Variants in OLA1 observed in about 807,000 individuals in gnomAD.
OLA1 encodes the protein Obg like ATPase 1.
A neutral mutation model predicts 48.4 loss-of-function variants in OLA1; 14 were observed. That is an observed-to-expected ratio of 0.29 (90% CI 0.19 to 0.45). OLA1 has a LOEUF of 0.45. Ranked by LOEUF, OLA1 falls within the 20% of genes least tolerant of loss-of-function variation. The probability of loss-of-function intolerance (pLI) is 1.00; values close to 1 mark genes in which losing one functional copy is unlikely to be tolerated. For synonymous variants in OLA1, 127 were observed against 150.4 expected, an observed-to-expected ratio of 0.84 and a Z score of 1.14; for missense variants, 325 against 467.1, an observed-to-expected ratio of 0.70 and a Z score of 2.80.
intron 4 of OLA1, among the ~76,000 whole-genome samples, chr2:174,190,718 A>G (rs772739173): frequency 3.5e-4 from 53 of 151,992 alleles, no homozygotes; most frequent in Admixed American, 6.6e-4. Flanking sequence ...AAGCATTCCT[A>G]TTTTAGTACA....
intron 4 of OLA1, among the ~76,000 whole-genome samples, chr2:174,170,062 T>C (rs1687259414): frequency 6.6e-6 from 1 of 152,100 alleles, no homozygotes; most frequent in African/African-American, 2.4e-5. Flanking sequence ...TGAAACCCCG[T>C]CACTACTAAA....
intron 5 of OLA1, among the ~76,000 whole-genome samples, chr2:174,136,559 C>T (rs957802766): frequency 6.6e-6 from 1 of 152,160 alleles, no homozygotes; most frequent in African/African-American, 2.4e-5. Context: ...TCTGCAGTTA[C>T]TTCCTCCACT....
chr2:174,109,216 G>T (rs1286467784), intron 7 of OLA1, among the ~76,000 whole-genome samples: 1 of 152,140 alleles, frequency 6.6e-6, no homozygotes, highest in Non-Finnish European at 1.5e-5. Flanking sequence ...TTATGGCTAA[G>T]AATGTTTAAT....
chr2:174,223,232 A>G, intron 3 of OLA1, 72 bp from the exon 4 acceptor site: 5 of 1,368,402 alleles, frequency 3.7e-6, no homozygotes, highest in Non-Finnish European at 5.2e-6. Context: ...GAATTCTCCA[A>G]ACATTTCACA....
intron 4 of OLA1, among the ~76,000 whole-genome samples, chr2:174,220,313 T>C (rs12474881): frequency 0.13 from 19,558 of 152,104 alleles, 1,482 homozygotes; most frequent in East Asian, 0.21. Context: ...CATAGGGCCT[T>C]GAAACAAACC....
At chr2:174,241,865 A>C (rs1170637715) in intron 2 of OLA1, among the ~76,000 whole-genome samples, 3 of 152,160 alleles carry the variant, frequency 2.0e-5, no homozygotes, top group African/African-American at 4.8e-5. Context: ...CAAACTCCTG[A>C]CCTCAAGTGA....
chr2:174,127,754 T>C (rs565734605), intron 5 of OLA1, among the ~76,000 whole-genome samples: 1 of 152,234 alleles, frequency 6.6e-6, no homozygotes, highest in Admixed American at 6.5e-5. Flanking sequence ...AAGTAAATGT[T>C]CTAGGTCCAG....
intron 10 of OLA1, among the ~76,000 whole-genome samples, chr2:174,076,376 C>T (rs1311329979): frequency 6.6e-6 from 1 of 152,164 alleles, no homozygotes; most frequent in Admixed American, 6.5e-5. Context: ...TCCCACATGA[C>T]CCCACCATCG....
intron 7 of OLA1, among the ~76,000 whole-genome samples, chr2:174,091,846 T>A: frequency 9.2e-6 from 1 of 108,316 alleles, no homozygotes; most frequent in Non-Finnish European, 1.7e-5. Context: ...CACTCCAGCC[T>A]GGGAGACAGC....
rs574830586 is a variant in OLA1, at chr2:174,091,162, G to C, written c.729-9098C>G. Among the ~76,000 whole-genome samples, 9 of 152,320 alleles carry C rather than the reference G, an allele frequency of 5.9e-5. No individual in the cohort carries two copies. In the East Asian group the frequency reaches 1.7e-3, roughly 29 times the overall value. ...AGTCTCAGCTAATACCTAGCTGAGT[G>C]ACTCCAGGTGGTTATTTAACATCTC... is the stretch of plus-strand genomic sequence containing the variant. On this transcript the variant is annotated intron_variant, in intron 7 of 10. Coordinates refer to ENST00000284719, the MANE Select transcript of OLA1 (RefSeq NM_013341.5).
chr2:174,201,457 T>C (rs932227926), intron 4 of OLA1, among the ~76,000 whole-genome samples: 3 of 152,106 alleles, frequency 2.0e-5, no homozygotes, highest in Non-Finnish European at 4.4e-5. Context: ...CCCACCTCAG[T>C]AGATCCTCAG....
At chr2:174,124,586 G>A (rs1686004426) in intron 5 of OLA1, among the ~76,000 whole-genome samples, 1 of 152,116 alleles carries the variant, frequency 6.6e-6, no homozygotes, top group South Asian at 2.1e-4. Context: ...AAAGGCTCTG[G>A]GGTCTGAAAG....
At chr2:174,205,711 G>C (rs377225583) in intron 4 of OLA1, among the ~76,000 whole-genome samples, 3 of 152,246 alleles carry the variant, frequency 2.0e-5, no homozygotes, top group Non-Finnish European at 4.4e-5. Context: ...GCCACAGAGT[G>C]AGCAAGGACA....
chr2:174,217,769 T>G (rs948574161), intron 4 of OLA1: 1 of 152,174 alleles, frequency 6.6e-6, no homozygotes, highest in African/African-American at 2.4e-5. Context: ...AATGGAATCA[T>G]AGTATACGCT....
At chr2:174,232,595 TAAAAA>T (rs1688755496) in intron 2 of OLA1, among the ~76,000 whole-genome samples, 1 of 151,900 alleles carries the variant, frequency 6.6e-6, no homozygotes, top group Non-Finnish European at 1.5e-5. Flanking sequence ...CACAAATGGC[TAAAAA>T]AATATGAAAA....
chr2:174,219,423 CT>C lies in OLA1; in HGVS notation c.373+3609del, dbSNP rs372577919. Among the ~76,000 whole-genome samples, 431 of 94,828 alleles carry C rather than the reference CT, an allele frequency of 4.5e-3. 1 individual carries two copies. The highest frequency in any genetic ancestry group is 0.021 in the Middle Eastern group (2 of 96). The allele number at this position is 94,828 out of a possible 152,430, so 62.2% of individuals were successfully genotyped here. A position where few individuals can be genotyped will look rare whatever the true frequency, so the allele number is the denominator to read the frequency against. ...TGGCAACTTACTCCATTTTATTTCCCTTTTTTTTTTTTTTTTTTTTTTTTTG... is the reference window on the plus strand; with the variant it reads ...TGGCAACTTACTCCATTTTATTTCCCTTTTTTTTTTTTTTTTTTTTTTTTG... On this transcript the variant is annotated intron_variant, in intron 4 of 10. Transcript: ENST00000284719.
At position 174,074,440 on chromosome 2, in the gene OLA1, C is replaced by CT. The variant is rs1684678241; in HGVS notation, c.*985dup. 6.6e-6 allele frequency: 1 copy of CT among 152,008 alleles called. No individual in the cohort carries two copies. Among genetic ancestry groups the CT allele is most frequent in the South Asian group, 2.1e-4 (1 of 4,834 alleles). 9.4% of individuals were successfully genotyped at this position (152,008 alleles called of 1,614,324 possible). ...TGCTACAATGTTAAGAAGTGCTTAA[C>CT]TTACCCATACTACCACTTCGACTGC... On this transcript the variant is annotated 3_prime_UTR_variant, in exon 11 of 11. Coordinates refer to ENST00000284719, the MANE Select transcript of OLA1 (RefSeq NM_013341.5).
intron 4 of OLA1, among the ~76,000 whole-genome samples, chr2:174,146,287 G>A (rs1195397235): frequency 6.6e-6 from 1 of 152,140 alleles, no homozygotes; most frequent in East Asian, 1.9e-4. Flanking sequence ...AAGGCAGGGT[G>A]ATAAGATAAG....
At chr2:174,180,468 T>C (rs953718977) in intron 4 of OLA1, among the ~76,000 whole-genome samples, 6 of 152,234 alleles carry the variant, frequency 3.9e-5, no homozygotes, top group African/African-American at 1.4e-4. Flanking sequence ...ATAGCAAAAG[T>C]GTAGTTACCA....
Sources: gnomAD v4.1 joint callset for allele counts (sites outside exome capture counted in the v4.1 genomes callset) on GRCh38, gnomAD v4.1.1 for gene constraint, MANE v1.5 for transcripts, NCBI Gene and HGNC (gene_info 2026-07-23, HGNC 2026-07-21) for gene names.